Variants in NLN observed in about 807,000 individuals in gnomAD.
The protein encoded by NLN is neurolysin.
NLN carries 64 observed loss-of-function variants against 79.9 expected under a neutral mutation model. That is an observed-to-expected ratio of 0.80 (90% CI 0.65 to 0.99). The LOEUF (loss-of-function observed/expected upper bound fraction) is 0.99. Ranked by LOEUF, NLN falls within the 50% of genes least tolerant of loss-of-function variation. The pLI is 0.00. For synonymous variants in NLN, 267 were observed against 296.6 expected (o/e 0.90, Z 1.02); for missense variants, 835 against 858.7 (o/e 0.97, Z 0.34).
At chr5:65,793,110 A>G (rs1295807198) in intron 9 of NLN, 1 of 281,922 alleles carries the variant, frequency 3.5e-6, no homozygotes, top group Non-Finnish European at 6.9e-6. Flanking sequence ...TTCAAATTAA[A>G]ATCATAGATA....
At chr5:65,800,457 C>T (rs930504537) in intron 9 of NLN, among the ~76,000 whole-genome samples, 16 of 152,174 alleles carry the variant, frequency 1.1e-4, no homozygotes, top group African/African-American at 2.9e-4. Flanking sequence ...GGGCAGATCA[C>T]GAGGTCAGGA....
chr5:65,727,913 C>G (rs1758513738), intron 1 of NLN, among the ~76,000 whole-genome samples: 1 of 152,044 alleles, frequency 6.6e-6, no homozygotes, highest in African/African-American at 2.4e-5. Context: ...ATTACAGGTC[C>G]CCACAACCAC....
At chr5:65,750,897 A>G (rs1001457863) in intron 1 of NLN, among the ~76,000 whole-genome samples, 2 of 152,218 alleles carry the variant, frequency 1.3e-5, no homozygotes, top group East Asian at 3.8e-4. Flanking sequence ...GTCTGATGAA[A>G]GGACCCTGGA....
At chr5:65,807,536 G>A (rs956659014) in intron 9 of NLN, among the ~76,000 whole-genome samples, 2 of 151,990 alleles carry the variant, frequency 1.3e-5, no homozygotes, top group Admixed American at 6.5e-5. Context: ...CACCTCCCAA[G>A]TTCAAGCAAT....
chr5:65,731,465 T>A (rs983580947), intron 1 of NLN, among the ~76,000 whole-genome samples: 1 of 152,228 alleles, frequency 6.6e-6, no homozygotes, highest in African/African-American at 2.4e-5. Context: ...TTACTGTTTT[T>A]ACTTGTGTGA....
chr5:65,724,095 G>T (rs754122544), intron 1 of NLN, among the ~76,000 whole-genome samples: 1 of 146,576 alleles, frequency 6.8e-6, no homozygotes, highest in Admixed American at 6.9e-5. Flanking sequence ...ACATTGTGGG[G>T]TTTTTTCCCT....
intron 2 of NLN, among the ~76,000 whole-genome samples, chr5:65,760,919 C>G (rs1442883808): frequency 6.6e-6 from 1 of 152,174 alleles, no homozygotes. Context: ...TTTGTTCTTG[C>G]TCCTCTATAA....
intron 9 of NLN, among the ~76,000 whole-genome samples, chr5:65,794,560 G>A (rs955891955): frequency 2.6e-5 from 4 of 152,026 alleles, no homozygotes; most frequent in African/African-American, 4.8e-5. Flanking sequence ...AGCTGTGATC[G>A]CGCCACTGCT....
chr5:65,739,225 C>A (rs1349917814), intron 1 of NLN, among the ~76,000 whole-genome samples: 1 of 151,418 alleles, frequency 6.6e-6, no homozygotes, highest in Admixed American at 6.6e-5. Context: ...TATAGTACTT[C>A]TATGAGATCA....
Position 65,792,545 on chromosome 5 carries a change from G to A in NLN, c.1417G>A (p.Val473Met), listed in dbSNP as rs376947821. The A allele has an allele frequency of 7.5e-5, 121 of 1,613,534 alleles. No homozygotes were observed. Among genetic ancestry groups the A allele is most frequent in the Non-Finnish European group, 9.7e-5 (115 of 1,179,598 alleles). The change falls in exon 9 of 13, where the codon GTG (valine) becomes ATG (methionine). Residue 473 changes from valine to methionine, a missense_variant. By Grantham distance (21) the Val-to-Met change is conservative. Transcript: ENST00000380985. ...GSRMMAVAAL[V>M]VNFSQPVAGR... The stretch of plus-strand genomic sequence containing the variant: ...CCGGATGATGGCAGTGGCTGCCCTC[G>A]TGGTGAACTTCTCACAGCCAGTGGC...
At chr5:65,798,983 T>C (rs1191366626) in intron 9 of NLN, among the ~76,000 whole-genome samples, 1 of 152,154 alleles carries the variant, frequency 6.6e-6, no homozygotes, top group East Asian at 1.9e-4. Context: ...CCAGGCTCAG[T>C]TGATCCTCCC....
intron 1 of NLN, among the ~76,000 whole-genome samples, chr5:65,743,005 A>T (rs566200241): frequency 5.3e-5 from 8 of 152,350 alleles, no homozygotes; most frequent in African/African-American, 1.9e-4. Context: ...CATATATGTT[A>T]TATGCTGAAC....
At chr5:65,789,069 G>T (rs1025547021) in intron 8 of NLN, among the ~76,000 whole-genome samples, 1 of 152,040 alleles carries the variant, frequency 6.6e-6, no homozygotes, top group Non-Finnish European at 1.5e-5. Context: ...GGAGTTTAAG[G>T]TTACAGTGAG....
chr5:65,813,969 T>G (rs531652331), intron 12 of NLN, among the ~76,000 whole-genome samples: 1 of 152,238 alleles, frequency 6.6e-6, no homozygotes, highest in East Asian at 1.9e-4. Flanking sequence ...TTCATCTTTC[T>G]TTCTGTGTAC....
intron 1 of NLN, among the ~76,000 whole-genome samples, chr5:65,740,309 C>A (rs567798162): frequency 6.6e-6 from 1 of 152,148 alleles, no homozygotes; most frequent in African/African-American, 2.4e-5. Flanking sequence ...AAAACTGGCT[C>A]CTATGACAGA....
At chr5:65,803,651 T>G (rs1184532666) in intron 9 of NLN, among the ~76,000 whole-genome samples, 2 of 151,340 alleles carry the variant, frequency 1.3e-5, no homozygotes, top group African/African-American at 4.9e-5. Context: ...CAGGTCTGCA[T>G]CTATGGCTTA....
At chr5:65,738,937 T>TA (rs1182904245) in intron 1 of NLN, among the ~76,000 whole-genome samples, 4 of 115,712 alleles carry the variant, frequency 3.5e-5, no homozygotes, top group Non-Finnish European at 5.5e-5. Context: ...TGTATATATA[T>TA]TTTTTATATA....
At chr5:65,742,835 T>G (rs530708737) in intron 1 of NLN, among the ~76,000 whole-genome samples, 1 of 152,320 alleles carries the variant, frequency 6.6e-6, no homozygotes, top group African/African-American at 2.4e-5. Context: ...ACATAATTAC[T>G]TTTCTTCAAC....
intron 7 of NLN, 77 bp from the exon 8 acceptor site, chr5:65,788,041 C>G (rs1759972035): frequency 7.0e-7 from 1 of 1,435,152 alleles, no homozygotes; most frequent in Admixed American, 2.0e-5. Flanking sequence ...AAGCACCATG[C>G]TAAAACACAG....
Sources: gnomAD v4.1 joint callset for allele counts (sites outside exome capture counted in the v4.1 genomes callset) on GRCh38, gnomAD v4.1.1 for gene constraint, MANE v1.5 for transcripts, NCBI Gene and HGNC (gene_info 2026-07-23, HGNC 2026-07-21) for gene names.